The following CSTPP1 variants were observed in gnomAD, a reference collection of about 807,000 sequenced individuals.
CSTPP1 encodes UPF0705 protein C11orf49.
chr11:47,161,793 A>G, the CSTPP1 span: 1 of 1,413,894 alleles, frequency 7.1e-7, no homozygotes, highest in Non-Finnish European at 9.2e-7. Flanking sequence ...GGCTCTGATG[A>G]TCAGCCCAGC....
chr11:47,062,230 A>G, the CSTPP1 span, among the ~76,000 whole-genome samples: 1 of 152,184 alleles, frequency 6.6e-6, no homozygotes, highest in Non-Finnish European at 1.5e-5. Context: ...TATAAACTTT[A>G]TGAGTACAGG....
At chr11:46,963,784 CAAA>C in the CSTPP1 span, among the ~76,000 whole-genome samples, 17 of 105,226 alleles carry the variant, frequency 1.6e-4, no homozygotes, top group Non-Finnish European at 1.5e-4. Flanking sequence ...GACTCTGTAT[CAAA>C]AAAAAAAAAA....
chr11:46,984,050 G>C, the CSTPP1 span, among the ~76,000 whole-genome samples: 1 of 152,162 alleles, frequency 6.6e-6, no homozygotes, highest in African/African-American at 2.4e-5. Flanking sequence ...TGGGGGGACA[G>C]GACAGACAGA....
chr11:47,164,152 C>T, the CSTPP1 span: 4 of 1,613,952 alleles, frequency 2.5e-6, no homozygotes, highest in Admixed American at 6.7e-5. Context: ...GAGCCAGGGG[C>T]CTTTGGCTTT....
chr11:47,007,620 C>A, the CSTPP1 span, among the ~76,000 whole-genome samples: 5 of 151,766 alleles, frequency 3.3e-5, 1 homozygote, highest in South Asian at 1.0e-3. Context: ...TCTGTCCTAT[C>A]CATTTTTTTT....
At chr11:47,097,079 C>T in the CSTPP1 span, among the ~76,000 whole-genome samples, 32 of 145,400 alleles carry the variant, frequency 2.2e-4, no homozygotes, top group African/African-American at 6.9e-4. Context: ...CCCGGCCAGC[C>T]GCCCCGTCCG....
the CSTPP1 span, among the ~76,000 whole-genome samples, chr11:47,141,932 CAAAAAA>C: frequency 5.3e-5 from 2 of 37,868 alleles, no homozygotes; most frequent in African/African-American, 1.9e-4. Flanking sequence ...GACTCTGTCT[CAAAAAA>C]AAAAAAAAAA....
At chr11:47,011,093 G>A in the CSTPP1 span, among the ~76,000 whole-genome samples, 2 of 152,118 alleles carry the variant, frequency 1.3e-5, no homozygotes, top group African/African-American at 2.4e-5. Flanking sequence ...TAATTTTTAA[G>A]TGGTGAGAGA....
the CSTPP1 span, among the ~76,000 whole-genome samples, chr11:46,977,507 C>G: frequency 1.3e-5 from 2 of 152,128 alleles, no homozygotes; most frequent in African/African-American, 4.8e-5. Flanking sequence ...TTTATTAATG[C>G]AAACATTTGC....
chr11:46,970,659 T>A, the CSTPP1 span, among the ~76,000 whole-genome samples: 1 of 152,118 alleles, frequency 6.6e-6, no homozygotes, highest in Admixed American at 6.5e-5. Context: ...TTTTTAAAAT[T>A]TGTGTACAAC....
At chr11:47,119,424 G>A in the CSTPP1 span, among the ~76,000 whole-genome samples, 3 of 152,190 alleles carry the variant, frequency 2.0e-5, no homozygotes, top group South Asian at 2.1e-4. Flanking sequence ...GTGAGGCGAC[G>A]CCCCACCCTG....
the CSTPP1 span, among the ~76,000 whole-genome samples, chr11:47,072,471 T>G: frequency 6.6e-6 from 1 of 152,306 alleles, no homozygotes; most frequent in South Asian, 2.1e-4. Flanking sequence ...GGCCATCCAA[T>G]TGAGATGAAA....
chr11:47,064,808 G>C, the CSTPP1 span, among the ~76,000 whole-genome samples: 1 of 151,644 alleles, frequency 6.6e-6, no homozygotes, highest in African/African-American at 2.4e-5. Context: ...GCAGTGGCAC[G>C]ATCTCAGCTC....
the CSTPP1 span, among the ~76,000 whole-genome samples, chr11:47,010,113 C>T: frequency 2.0e-5 from 3 of 151,972 alleles, no homozygotes; most frequent in African/African-American, 4.8e-5. Context: ...AGAATAGTGA[C>T]ATTAATTTAG....
the CSTPP1 span, among the ~76,000 whole-genome samples, chr11:47,124,114 CTTTTTTTTT>C: frequency 4.7e-5 from 3 of 63,216 alleles, no homozygotes; most frequent in Admixed American, 3.0e-4. Flanking sequence ...AATGGTCTTA[CTTTTTTTTT>C]TTTTTTTTTT....
the CSTPP1 span, among the ~76,000 whole-genome samples, chr11:47,133,805 G>A: frequency 6.6e-6 from 1 of 152,188 alleles, no homozygotes; most frequent in Non-Finnish European, 1.5e-5. Context: ...GCCTGGGTTT[G>A]AATTCCAGTT....
chr11:47,115,000 G>A, the CSTPP1 span, among the ~76,000 whole-genome samples: 5 of 152,126 alleles, frequency 3.3e-5, no homozygotes, highest in Non-Finnish European at 5.9e-5. Flanking sequence ...TTTGAGATAC[G>A]TTCCATCAAT....
At chr11:47,007,550 C>T in the CSTPP1 span, among the ~76,000 whole-genome samples, 1 of 151,992 alleles carries the variant, frequency 6.6e-6, no homozygotes. Context: ...GTAAATAAAG[C>T]ATGGTTATTA....
At chr11:47,125,860 T>G in the CSTPP1 span, among the ~76,000 whole-genome samples, 1 of 151,946 alleles carries the variant, frequency 6.6e-6, no homozygotes, top group Admixed American at 6.5e-5. Flanking sequence ...CTACTAAAAA[T>G]ACAAAAATTA....
Sources: allele counts gnomAD v4.1 joint callset (sites outside exome capture counted in the v4.1 genomes callset), GRCh38; gene constraint gnomAD v4.1.1; transcripts MANE v1.5; gene names NCBI Gene and HGNC (gene_info 2026-07-23, HGNC 2026-07-21).